The following MTOR variants were observed in gnomAD, a reference collection of about 807,000 sequenced individuals.
MTOR encodes the protein mechanistic target of rapamycin kinase, also known as serine/threonine-protein kinase mTOR.
A neutral mutation model predicts 319.8 loss-of-function variants in MTOR; 70 were observed. The ratio of observed to expected loss-of-function variants is 0.22; its 90% CI spans 0.18 to 0.27. MTOR has a LOEUF of 0.27. Ranked by LOEUF, MTOR falls within the 10% of genes least tolerant of loss-of-function variation. The pLI is 1.00. For synonymous variants in MTOR, 1,183 were observed against 1,211.4 expected (o/e 0.98, Z 0.49); for missense variants, 1,890 against 3,274.4 (o/e 0.58, Z 10.32).
In MTOR at chr1:11,212,620, T is replaced by C; in HGVS notation, c.3399-146A>G. On this transcript the variant is annotated intron_variant, in intron 22 of 57. Coordinates refer to ENST00000361445, the MANE Select transcript of MTOR (RefSeq NM_004958.4). The surrounding 1 kb of genome is among the most constrained non-coding windows in gnomAD (Gnocchi z 4.1). Reference sequence around the variant, plus strand: ...TTGGATGACATGGATCCAACATTTATTCCAATGGGATAGGGACAGTTAAGA... The same window carrying C: ...TTGGATGACATGGATCCAACATTTACTCCAATGGGATAGGGACAGTTAAGA... 11 of 1,135,722 alleles carry C rather than the reference T, an allele frequency of 9.7e-6. No homozygotes were observed. The South Asian group carries it at 1.5e-4, about 16-fold the overall frequency. 70.4% of individuals were successfully genotyped at this position (1,135,722 alleles called of 1,614,324 possible).
intron 30 of MTOR, among the ~76,000 whole-genome samples, 182 bp downstream of exon 30, chr1:11,156,970 A>G (rs1048207031): frequency 1.3e-5 from 2 of 152,210 alleles, no homozygotes; most frequent in Non-Finnish European, 2.9e-5. Flanking sequence ...CCTACTTAGC[A>G]GCTGAGATAG....
intron 9 of MTOR, 59 bp downstream of exon 9, chr1:11,243,055 A>T: frequency 6.3e-7 from 1 of 1,589,774 alleles, no homozygotes; most frequent in Non-Finnish European, 8.6e-7. Context: ...TCTGAAATAG[A>T]GCGTCCTTCC....
At chr1:11,155,939 T>G (rs17036421) in intron 30 of MTOR, among the ~76,000 whole-genome samples, 9 of 152,200 alleles carry the variant, frequency 5.9e-5, no homozygotes, top group Admixed American at 5.9e-4. Flanking sequence ...AGGGATAACC[T>G]ACTAGTCGGG....
intron 28 of MTOR, among the ~76,000 whole-genome samples, chr1:11,179,356 A>C (rs907694018): frequency 1.3e-5 from 2 of 152,244 alleles, no homozygotes; most frequent in African/African-American, 4.8e-5. Context: ...CCAGTGTTAT[A>C]TAAAAATCAG....
intron 30 of MTOR, chr1:11,152,508 C>G (rs1198619796): frequency 1.3e-5 from 2 of 152,004 alleles, no homozygotes; most frequent in African/African-American, 4.8e-5. Context: ...ATCTCACTCC[C>G]GAGGAATCTG....
At chr1:11,246,543 T>TCTA (rs1648853283) in intron 8 of MTOR, among the ~76,000 whole-genome samples, 1 of 152,222 alleles carries the variant, frequency 6.6e-6, no homozygotes. Flanking sequence ...CCCAACACGT[T>TCTA]CTACTTCTTT....
intron 12 of MTOR, 40 bp from the exon 13 acceptor site, chr1:11,238,088 C>A (rs2100899507): frequency 6.3e-7 from 1 of 1,593,964 alleles, no homozygotes. Flanking sequence ...TCCTCATGAT[C>A]CCATCACTCC....
chr1:11,219,406 G>T (rs1646583770), intron 19 of MTOR, among the ~76,000 whole-genome samples: 1 of 151,842 alleles, frequency 6.6e-6, no homozygotes. Flanking sequence ...GGCATCTATT[G>T]TACAGGTTTA....
chr1:11,255,382 C>CAAAAAAAAAAA (rs56328160), intron 5 of MTOR, among the ~76,000 whole-genome samples: 1 of 98,236 alleles, frequency 1.0e-5, no homozygotes, highest in African/African-American at 6.3e-5. Flanking sequence ...ACTCCATCTC[C>CAAAAAAAAAAA]AAAAAAAAAA....
chr1:11,239,606 T>G (rs1254108965), intron 11 of MTOR, among the ~76,000 whole-genome samples: 1 of 152,048 alleles, frequency 6.6e-6, no homozygotes, highest in African/African-American at 2.4e-5. Context: ...TATGGTACTT[T>G]TAGAAATCAT....
chr1:11,212,280 A>G lies in MTOR; in HGVS notation c.3561+32T>C. On this transcript the variant is annotated intron_variant, in intron 23 of 57. Transcript: ENST00000361445. This position sits in a 1 kb window ranked among gnomAD's most constrained non-coding sequence, Gnocchi z 4.1. ...AAGTCTTCTTTCCAAATAAGGCAGAAGAGCACCTGTCTGTCCAGACTCCCA... is the reference window on the plus strand; with the variant it reads ...AAGTCTTCTTTCCAAATAAGGCAGAGGAGCACCTGTCTGTCCAGACTCCCA... The G allele has an allele frequency of 6.3e-7, 1 of 1,590,498 alleles. No homozygotes were observed. The highest frequency in any genetic ancestry group is 1.3e-5 in the African/African-American group (1 of 74,116).
At chr1:11,209,772 C>A (rs886138660) in intron 24 of MTOR, among the ~76,000 whole-genome samples, 4 of 152,198 alleles carry the variant, frequency 2.6e-5, no homozygotes, top group Non-Finnish European at 5.9e-5. Context: ...TGGCAAACAG[C>A]CCCCATCCCC....
Position 11,129,004 on chromosome 1 carries a change from G to T in MTOR, c.5715-53C>A. Reference sequence around the variant, plus strand: ...AAATTTAGTTTCCCAGTTTTTGCCTGCCTGTTTTTCATCTCTAAGGCTCCT... The same window carrying T: ...AAATTTAGTTTCCCAGTTTTTGCCTTCCTGTTTTTCATCTCTAAGGCTCCT... On this transcript the variant is annotated intron_variant, in intron 40 of 57. Coordinates refer to ENST00000361445, the MANE Select transcript of MTOR (RefSeq NM_004958.4). The surrounding 1 kb of genome is among the most constrained non-coding windows in gnomAD (Gnocchi z 4.7). 2 of 1,487,398 alleles carry T rather than the reference G, an allele frequency of 1.3e-6. No individual in the cohort carries two copies. The highest frequency in any genetic ancestry group is 1.9e-6 in the Non-Finnish European group (2 of 1,080,034). 92.1% of individuals were successfully genotyped at this position (1,487,398 alleles called of 1,614,324 possible). A position where few individuals can be genotyped will look rare whatever the true frequency, so the allele number is the denominator to read the frequency against.
At chr1:11,179,215 C>T (rs1645075180) in intron 28 of MTOR, among the ~76,000 whole-genome samples, 1 of 152,200 alleles carries the variant, frequency 6.6e-6, no homozygotes, top group South Asian at 2.1e-4. Flanking sequence ...CCAGCACCTA[C>T]TAGATTTCAT....
rs534593919 is a variant in MTOR, at chr1:11,116,593, A to T, written c.7016+411T>A. On this transcript the variant is annotated intron_variant, in intron 50 of 57. Transcript: ENST00000361445. ...CCAAAGTGCTGGAATTATAGGCATG[A>T]GCCAATGAGCCTGCCCTGCAATACA... 1.1e-4 allele frequency among the ~76,000 whole-genome samples: 16 copies of T among 152,274 alleles called. No individual in the cohort carries two copies. The East Asian group carries it at 3.1e-3, about 29-fold the overall frequency.
intron 28 of MTOR, chr1:11,189,656 T>C: frequency 6.2e-7 from 1 of 1,614,204 alleles, no homozygotes; most frequent in Non-Finnish European, 8.5e-7. Flanking sequence ...CCAGCGTGGC[T>C]GCAGAAGCTC....
rs115580813 is a variant in MTOR at position 11,256,790 on chromosome 1, G to A, written c.504+143C>T. ...CCATGCTAGATTCCCTCTTAAGGAC[G>A]GACTCTACCCCATCTCACAGCCTGG... On this transcript the variant is annotated intron_variant, in intron 4 of 57. Transcript: ENST00000361445. 3.5e-3 allele frequency: 2,628 copies of A among 743,494 alleles called. 72 individuals are homozygous for A. In the African/African-American group the frequency reaches 0.04, roughly 11 times the overall value. The allele number at this position is 743,494 out of a possible 1,614,324, so 46.1% of individuals were successfully genotyped here.
chr1:11,169,290 A>G (rs1644738839), intron 28 of MTOR, among the ~76,000 whole-genome samples: 2 of 152,164 alleles, frequency 1.3e-5, no homozygotes, highest in Admixed American at 1.3e-4. Flanking sequence ...CACTTCTTTG[A>G]CCCCATGCAT....
chr1:11,156,413 A>C (rs182263328), intron 30 of MTOR, among the ~76,000 whole-genome samples: 1 of 152,204 alleles, frequency 6.6e-6, no homozygotes, highest in African/African-American at 2.4e-5. Context: ...TTTTCCCTTC[A>C]ACATTCCCAA....
Sources: allele counts gnomAD v4.1 joint callset (sites outside exome capture counted in the v4.1 genomes callset), GRCh38; gene constraint gnomAD v4.1.1; non-coding constraint Gnocchi (gnomAD v3.1); transcripts MANE v1.5; gene names NCBI Gene and HGNC (gene_info 2026-07-23, HGNC 2026-07-21).